The following CPLANE1 variants were observed in gnomAD, a reference collection of about 807,000 sequenced individuals.
CPLANE1 encodes the protein ciliogenesis and planar polarity effector complex subunit 1, also known as ciliogenesis and planar polarity effector 1.
CPLANE1 carries 263 observed loss-of-function variants against 362.5 expected under a neutral mutation model. The observed-to-expected ratio is 0.73, with a 90% confidence interval of 0.66 to 0.80. The LOEUF (loss-of-function observed/expected upper bound fraction) is 0.80, where lower values mean the gene tolerates loss of function less well. CPLANE1 is among the 30% of genes least tolerant of loss of function. The pLI, the probability that CPLANE1 is intolerant of heterozygous loss-of-function variation, is 0.00. For synonymous variants in CPLANE1, 1,212 were observed against 1,302.6 expected (o/e 0.93, Z 1.50); for missense variants, 3,461 against 3,793.4 (o/e 0.91, Z 2.30).
intron 46 of CPLANE1, among the ~76,000 whole-genome samples, chr5:37,132,667 A>G (rs562182331): frequency 1.3e-5 from 2 of 152,266 alleles, no homozygotes; most frequent in African/African-American, 4.8e-5. Flanking sequence ...AGTTCTTTGT[A>G]GATTCTGCAT....
At chr5:37,109,958 C>T (rs1293579077) in intron 51 of CPLANE1, among the ~76,000 whole-genome samples, 1 of 152,098 alleles carries the variant, frequency 6.6e-6, no homozygotes, top group Non-Finnish European at 1.5e-5. Context: ...TGCCCAGCCT[C>T]ATCCTTCTTT....
chr5:37,211,829 C>A, intron 16 of CPLANE1: 2 of 803,226 alleles, frequency 2.5e-6, no homozygotes, highest in Non-Finnish European at 4.6e-6. Context: ...TTAAGGATAA[C>A]GAGGAATTTG....
At chr5:37,247,266 C>T (rs1284958117) in intron 2 of CPLANE1, among the ~76,000 whole-genome samples, 1 of 152,188 alleles carries the variant, frequency 6.6e-6, no homozygotes, top group East Asian at 1.9e-4. Flanking sequence ...GGAGGAAACA[C>T]TCCATTAACT....
rs1285153556 is a variant in CPLANE1 at position 37,198,766 on chromosome 5, C to T, written c.3608G>A (p.Cys1203Tyr). 1.9e-6 allele frequency: 3 copies of T among 1,614,104 alleles called. No homozygotes were observed. Among genetic ancestry groups the T allele is most frequent in the Admixed American group, 1.7e-5 (1 of 60,016 alleles). ...ATACCACTGTGCTACAGGAAAAGAA[C>T]ACTGAGCCGCCCGGAAAAGCAGGAG... is the stretch of plus-strand genomic sequence containing the variant. ...RVLLLFRAAQ[C>Y]SFPVAQWYIL... is the part of the protein sequence containing the mutation. The change falls in exon 20 of 53, where the codon TGT becomes TAT. Residue 1203 changes from cysteine to tyrosine, a missense_variant. Physicochemically the swap from Cys to Tyr is radical, Grantham distance 194. Transcript: ENST00000651892.
chr5:37,205,645 TC>T (rs1380298964), intron 17 of CPLANE1, among the ~76,000 whole-genome samples, 191 bp from the exon 18 acceptor site: 4 of 152,154 alleles, frequency 2.6e-5, no homozygotes, highest in African/African-American at 9.7e-5. Context: ...CCTAATATAC[TC>T]CCCCCATTCT....
At chr5:37,167,288 GA>G (rs147345769) in intron 34 of CPLANE1, 75 bp from the exon 35 acceptor site, 14,004 of 1,143,864 alleles carry the variant, frequency 0.012, 129 homozygotes, top group Non-Finnish European at 0.014. Context: ...AAAGACTGAG[GA>G]AAAATACATT....
intron 18 of CPLANE1, among the ~76,000 whole-genome samples, chr5:37,204,684 C>T (rs1177839656): frequency 4.6e-5 from 7 of 151,024 alleles, no homozygotes; most frequent in African/African-American, 7.3e-5. Context: ...CTGGGGTGGC[C>T]TTGCTCTGCA....
chr5:37,209,611 A>G lies in CPLANE1; in HGVS notation c.2921-3186T>C. 7.0e-7 allele frequency: 1 copy of G among 1,437,976 alleles called. No individual in the cohort carries two copies. The highest frequency in any genetic ancestry group is 9.8e-7 in the Non-Finnish European group (1 of 1,020,932). 89.1% of individuals were successfully genotyped at this position (1,437,976 alleles called of 1,614,324 possible). A position where few individuals can be genotyped will look rare whatever the true frequency, so the allele number is the denominator to read the frequency against. On this transcript the variant is annotated intron_variant, in intron 16 of 52. Coordinates refer to ENST00000651892, the MANE Select transcript of CPLANE1 (RefSeq NM_001384732.1). The surrounding 1 kb of genome is among the most constrained non-coding windows in gnomAD (Gnocchi z 4.6). Reference sequence around the variant, plus strand: ...AACTCTTTAGTGGCAGATCACTTACAAAGATGTGGCTGTGAATATTCACTT... The same window carrying G: ...AACTCTTTAGTGGCAGATCACTTACGAAGATGTGGCTGTGAATATTCACTT...
chr5:37,212,787 C>G (rs949347056), intron 16 of CPLANE1, among the ~76,000 whole-genome samples: 1 of 152,186 alleles, frequency 6.6e-6, no homozygotes, highest in Non-Finnish European at 1.5e-5. Flanking sequence ...ACATTAAATA[C>G]TGAATTAGCA....
chr5:37,107,353 T>C lies in CPLANE1; in HGVS notation c.*249A>G, dbSNP rs1757824168. The stretch of plus-strand genomic sequence containing the variant: ...GAAAGGTACTTATCATTTTAAAAAT[T>C]ATGCCTAATGATGCATCAAATACAA... On this transcript the variant is annotated 3_prime_UTR_variant, in exon 53 of 53. Coordinates refer to ENST00000651892, the MANE Select transcript of CPLANE1 (RefSeq NM_001384732.1). 1 of 1,203,520 alleles carries C rather than the reference T, an allele frequency of 8.3e-7. No homozygotes were observed. The highest frequency in any genetic ancestry group is 3.6e-5 in the East Asian group (1 of 28,164). The allele number at this position is 1,203,520 out of a possible 1,614,324, so 74.6% of individuals were successfully genotyped here. A position where few individuals can be genotyped will look rare whatever the true frequency, so the allele number is the denominator to read the frequency against.
intron 9 of CPLANE1, among the ~76,000 whole-genome samples, chr5:37,228,596 A>G (rs1470718941): frequency 6.6e-6 from 1 of 152,216 alleles, no homozygotes; most frequent in Non-Finnish European, 1.5e-5. Flanking sequence ...TAAACAGGAT[A>G]TATCACATTA....
intron 46 of CPLANE1, among the ~76,000 whole-genome samples, chr5:37,126,881 A>G (rs1764278973): frequency 6.6e-6 from 1 of 152,180 alleles, no homozygotes; most frequent in East Asian, 1.9e-4. Flanking sequence ...CAGATGCATC[A>G]CCCAGTGATT....
rs1460428825 is a variant in CPLANE1, at chr5:37,226,855, C to T, written c.1740G>A (p.Trp580Ter). Residue 580 changes from tryptophan to a stop codon, truncating the protein, a stop_gained, in exon 12 of 53, where the codon TGG becomes TGA. Coordinates refer to ENST00000651892, the MANE Select transcript of CPLANE1 (RefSeq NM_001384732.1). LOFTEE classifies it high-confidence loss of function. The stretch of plus-strand genomic sequence containing the variant: ...TCACAGTTTTTGAAATTCCTATAGT[C>T]CACGCTGCAAGTAGACTTTTCTGGA... ...HSIQKSLLAA[W>*]TIGISKTVTE... is the part of the protein sequence containing the mutation. The T allele has an allele frequency of 4.5e-6, 7 of 1,551,250 alleles. No homozygotes were observed. The highest frequency in any genetic ancestry group is 3.5e-6 in the Non-Finnish European group (4 of 1,146,854).
intron 15 of CPLANE1, among the ~76,000 whole-genome samples, chr5:37,216,392 T>A (rs951367797): frequency 1.3e-5 from 2 of 151,920 alleles, no homozygotes; most frequent in African/African-American, 4.8e-5. Context: ...TGCAAAAAAA[T>A]ACAAAAATTA....
At position 37,247,599 on chromosome 5, in the gene CPLANE1, T is replaced by C. The variant is rs550209236; in HGVS notation, c.81+19A>G. 1.3e-6 allele frequency: 2 copies of C among 1,547,216 alleles called. No individual in the cohort carries two copies. Among genetic ancestry groups the C allele is most frequent in the African/African-American group, 1.4e-5 (1 of 72,950 alleles). On this transcript the variant is annotated intron_variant, in intron 2 of 52. Coordinates refer to ENST00000651892, the MANE Select transcript of CPLANE1 (RefSeq NM_001384732.1). ...TAACATATATAAAACTGGTATTGCA[T>C]GAATAAAGAAAAACCTACCTTTCCC...
rs1188561908 is a variant in CPLANE1 at position 37,170,148 on chromosome 5, T to TA, written c.6354dup (p.Ile2119TyrfsTer2). ...TTCTCTCCCATTGACTGTGGTTTAA[T>TA]AAAAAATCTCTCCTTAAGATTTTTG... On this transcript the variant is annotated frameshift_variant, in exon 33 of 53. Coordinates refer to ENST00000651892, the MANE Select transcript of CPLANE1 (RefSeq NM_001384732.1). LOFTEE classifies it high-confidence loss of function. 1.5e-5 allele frequency: 25 copies of TA among 1,614,062 alleles called. No homozygotes were observed. The highest frequency in any genetic ancestry group is 2.1e-5 in the Non-Finnish European group (25 of 1,180,042).
At chr5:37,196,533 G>T (rs1043879600) in intron 20 of CPLANE1, among the ~76,000 whole-genome samples, 7 of 152,054 alleles carry the variant, frequency 4.6e-5, no homozygotes, top group African/African-American at 1.7e-4. Flanking sequence ...GGTGTGACAC[G>T]ATCCAAACTC....
intron 5 of CPLANE1, among the ~76,000 whole-genome samples, chr5:37,243,651 C>G (rs10042473): frequency 1.8e-4 from 27 of 146,364 alleles, no homozygotes; most frequent in African/African-American, 6.5e-4. Context: ...AGCTCTCTCT[C>G]TATATATAAT....
intron 42 of CPLANE1, among the ~76,000 whole-genome samples, chr5:37,151,229 C>T (rs1773479320): frequency 6.6e-6 from 1 of 152,188 alleles, no homozygotes; most frequent in Non-Finnish European, 1.5e-5. Context: ...TGGTACCTTT[C>T]TCCTTTGCTC....
Sources: gnomAD v4.1 joint callset for allele counts (sites outside exome capture counted in the v4.1 genomes callset) on GRCh38, gnomAD v4.1.1 for gene constraint, Gnocchi (gnomAD v3.1) non-coding constraint, MANE v1.5 for transcripts, NCBI Gene and HGNC (gene_info 2026-07-23, HGNC 2026-07-21) for gene names.